Variants in RAI14 observed in about 807,000 individuals in gnomAD.
RAI14 encodes retinoic acid induced 14.
Under a neutral mutation model 115.4 loss-of-function variants are expected in RAI14, and 45 were observed. The ratio of observed to expected loss-of-function variants is 0.39; its 90% CI spans 0.31 to 0.50. The LOEUF is 0.50. Among genes scored for constraint, RAI14 ranks in the 20% least tolerant of loss-of-function variants. RAI14 has a pLI of 0.85. For missense variants in RAI14, 939 were observed against 1,131.2 expected (o/e 0.83, Z 2.44); for synonymous variants, 371 against 415.4 (o/e 0.89, Z 1.30).
rs764251303 is a variant in RAI14, at chr5:34,803,784, G to A, written c.321+8G>A. The stretch of plus-strand genomic sequence containing the variant: ...ATCAGGAAGCTGCTTCAGGTAAGCT[G>A]GTGACAACTTAGAATTATAAATGTG... On this transcript the variant is annotated splice_region_variant and intron_variant, in intron 5 of 17. Coordinates refer to ENST00000265109, the MANE Select transcript of RAI14 (RefSeq NM_015577.3). 1.2e-6 allele frequency: 2 copies of A among 1,608,154 alleles called. No individual in the cohort carries two copies. The highest frequency in any genetic ancestry group is 3.4e-5 in the Admixed American group (2 of 59,586).
intron 2 of RAI14, among the ~76,000 whole-genome samples, chr5:34,691,502 A>C (rs1214854196): frequency 6.6e-6 from 1 of 152,150 alleles, no homozygotes; most frequent in Admixed American, 6.5e-5. Flanking sequence ...AGCTGTCGTC[A>C]TGAAAAATGA....
At chr5:34,715,343 AC>A (rs1741864675) in intron 2 of RAI14, among the ~76,000 whole-genome samples, 2 of 151,900 alleles carry the variant, frequency 1.3e-5, no homozygotes, top group South Asian at 4.2e-4. Context: ...TCTAAGAGGA[AC>A]CTAGGTCAGA....
At chr5:34,820,113 TATG>T (rs1441004181) in intron 13 of RAI14, among the ~76,000 whole-genome samples, 3 of 152,218 alleles carry the variant, frequency 2.0e-5, no homozygotes, top group Non-Finnish European at 2.9e-5. Flanking sequence ...GCATCAGACT[TATG>T]ATGAGAAGCA....
rs1744952786 is a variant in RAI14, at chr5:34,686,937, GA to G, written c.20del (p.Lys7SerfsTer66). 1 of 1,613,766 alleles carries G rather than the reference GA, an allele frequency of 6.2e-7. No individual in the cohort carries two copies. The highest frequency in any genetic ancestry group is 8.5e-7 in the Non-Finnish European group (1 of 1,179,842). ...CACTAAACATGAAGAGCTTGAAAGCGAAGTTCAGGAAGAGTGACGTGAGTAT... is the reference window on the plus strand; with the variant it reads ...CACTAAACATGAAGAGCTTGAAAGCGAGTTCAGGAAGAGTGACGTGAGTAT... Reference protein sequence around the residue: MKSLKAKFRKSDTNEWN... With the variant: MKSLKAXFRKSDTNEWN... On this transcript the variant is annotated frameshift_variant, in exon 2 of 18. Coordinates refer to ENST00000265109, the MANE Select transcript of RAI14 (RefSeq NM_015577.3). LOFTEE classifies it high-confidence loss of function.
chr5:34,657,366 T>C (rs1436990869), intron 1 of RAI14: 1 of 152,472 alleles, frequency 6.6e-6, no homozygotes, highest in African/African-American at 2.4e-5. Context: ...ATCCCCCTTT[T>C]GTGGAGGGGG....
chr5:34,658,275 C>T (rs1742434997), intron 1 of RAI14, among the ~76,000 whole-genome samples: 2 of 152,192 alleles, frequency 1.3e-5, no homozygotes, highest in Admixed American at 6.5e-5. Flanking sequence ...TCCCGCCCAC[C>T]AGTAGTGAAC....
intron 2 of RAI14, among the ~76,000 whole-genome samples, chr5:34,744,583 G>A (rs1184885677): frequency 6.6e-6 from 1 of 152,142 alleles, no homozygotes; most frequent in Non-Finnish European, 1.5e-5. Context: ...CGGGAGGCAG[G>A]AAAGTGCAGT....
intron 4 of RAI14, among the ~76,000 whole-genome samples, chr5:34,802,019 GT>G (rs1452580855): frequency 6.6e-6 from 1 of 152,104 alleles, no homozygotes; most frequent in Non-Finnish European, 1.5e-5. Flanking sequence ...AGCCATGCTT[GT>G]GCTACTCCAT....
At chr5:34,826,981 T>C (rs966984657) in intron 16 of RAI14, among the ~76,000 whole-genome samples, 1 of 152,232 alleles carries the variant, frequency 6.6e-6, no homozygotes, top group Non-Finnish European at 1.5e-5. Flanking sequence ...TAAAACAACA[T>C]GAGTGTATTA....
At chr5:34,668,320 G>C (rs556097371) in intron 1 of RAI14, among the ~76,000 whole-genome samples, 1 of 152,142 alleles carries the variant, frequency 6.6e-6, no homozygotes, top group African/African-American at 2.4e-5. Context: ...CTTGAACTCG[G>C]GAAGCGGAGG....
intron 16 of RAI14, among the ~76,000 whole-genome samples, chr5:34,829,100 T>C (rs1757746498): frequency 6.6e-6 from 1 of 151,940 alleles, no homozygotes; most frequent in South Asian, 2.1e-4. Context: ...TGTATTTGCA[T>C]AAGTATATGT....
At chr5:34,702,830 CCAAG>C (rs1740244993) in intron 2 of RAI14, among the ~76,000 whole-genome samples, 1 of 152,190 alleles carries the variant, frequency 6.6e-6, no homozygotes, top group African/African-American at 2.4e-5. Context: ...CCTCAGCCTC[CCAAG>C]TAGCTGGGAT....
chr5:34,673,016 T>C (rs1743728984), intron 1 of RAI14, among the ~76,000 whole-genome samples: 1 of 152,210 alleles, frequency 6.6e-6, no homozygotes, highest in African/African-American at 2.4e-5. Context: ...GCAGAGAAGA[T>C]AGGGTCCAAT....
At chr5:34,786,810 A>C (rs1479301923) in intron 3 of RAI14, among the ~76,000 whole-genome samples, 1 of 152,210 alleles carries the variant, frequency 6.6e-6, no homozygotes, top group East Asian at 1.9e-4. Context: ...AGACACACAC[A>C]CAGAAATACA....
At chr5:34,699,284 C>T (rs1739737503) in intron 2 of RAI14, among the ~76,000 whole-genome samples, 1 of 152,146 alleles carries the variant, frequency 6.6e-6, no homozygotes, top group South Asian at 2.1e-4. Flanking sequence ...AACATGGTAT[C>T]TTGCTATGTT....
intron 12 of RAI14, among the ~76,000 whole-genome samples, chr5:34,815,498 G>A (rs1445960220): frequency 3.3e-5 from 5 of 152,226 alleles, no homozygotes; most frequent in Admixed American, 6.5e-5. Context: ...AGGAGGCAGA[G>A]GTTGCAGTGA....
chr5:34,711,804 C>T (rs1741436495), intron 2 of RAI14, among the ~76,000 whole-genome samples: 1 of 152,248 alleles, frequency 6.6e-6, no homozygotes, highest in South Asian at 2.1e-4. Context: ...GCCACCCAGT[C>T]TGCAGTATTC....
At position 34,823,485 on chromosome 5, in the gene RAI14, G is replaced by T; in HGVS notation, c.1643G>T (p.Arg548Ile). 1.2e-6 allele frequency: 2 copies of T among 1,614,042 alleles called. No homozygotes were observed. ...CAGAATGCATTAGAAGAAAGTGAAA[G>T]AAATAAAGAGAAAGTGAGAGAGTTA... ...DLQNALEESERNKEKVRELEE... is the reference protein window; with the variant it reads ...DLQNALEESEINKEKVRELEE... The change falls in exon 15 of 18, where the codon AGA (arginine) becomes ATA (isoleucine). Residue 548 changes from arginine (R) to isoleucine (I), a missense_variant. Coordinates refer to ENST00000265109, the MANE Select transcript of RAI14 (RefSeq NM_015577.3). This position sits in a 1 kb window ranked among gnomAD's most constrained non-coding sequence, Gnocchi z 4.5.
intron 1 of RAI14, among the ~76,000 whole-genome samples, chr5:34,668,058 C>T (rs957883319): frequency 1.3e-5 from 2 of 152,148 alleles, no homozygotes; most frequent in African/African-American, 4.8e-5. Context: ...ACTTGTGAGA[C>T]AGGAGGCTCA....
Sources: gnomAD v4.1 joint callset for allele counts (sites outside exome capture counted in the v4.1 genomes callset) on GRCh38, gnomAD v4.1.1 for gene constraint, Gnocchi (gnomAD v3.1) non-coding constraint, MANE v1.5 for transcripts, NCBI Gene and HGNC (gene_info 2026-07-23, HGNC 2026-07-21) for gene names.